The following GRIN2C variants were observed in gnomAD, a reference collection of about 807,000 sequenced individuals.
GRIN2C encodes glutamate receptor ionotropic, NMDA 2C.
GRIN2C carries 64 observed loss-of-function variants against 77.7 expected under a neutral mutation model. That is an observed-to-expected ratio of 0.82 (90% CI 0.67 to 1.01). The LOEUF is 1.01. Among genes scored for constraint, GRIN2C ranks in the 50% least tolerant of loss-of-function variants. The probability of loss-of-function intolerance (pLI) is 0.00; values close to 1 mark genes in which losing one functional copy is unlikely to be tolerated. For synonymous variants in GRIN2C, 792 were observed against 643.4 expected, an observed-to-expected ratio of 1.23 and a Z score of -3.49; for missense variants, 1,549 against 1,486.0, an observed-to-expected ratio of 1.04 and a Z score of -0.70.
chr17:74,844,287 C>A lies in GRIN2C; in HGVS notation c.2572G>T (p.Ala858Ser). 4 of 1,613,904 alleles carry A rather than the reference C, an allele frequency of 2.5e-6. No individual in the cohort carries two copies. The highest frequency in any genetic ancestry group is 3.4e-6 in the Non-Finnish European group (4 of 1,179,844). ...PNSSQLDFLL[A>S]FSRGIYSCFS... ...GGGTGGGCACCCACCCTGCTGAAAG[C>A]CAGCAGGAAGTCCAGCTGGGATGAG... is the stretch of plus-strand genomic sequence containing the variant. The change falls in exon 12 of 13, where the codon GCT (alanine) becomes TCT (serine). Residue 858 changes from alanine (A) to serine (S), a missense_variant. Physicochemically the swap from Ala to Ser is moderately conservative, Grantham distance 99 (BLOSUM62 1). Around this residue, in one of 3 missense-constraint regions of GRIN2C, gnomAD observed 450 missense variants for 267.9 expected, o/e 1.68. Transcript: ENST00000293190.
At chr17:74,854,307 T>TGGTG in intron 2 of GRIN2C, 1 of 174,740 alleles carries the variant, frequency 5.7e-6, no homozygotes, top group Non-Finnish European at 1.2e-5. Context: ...CAGGGTTCCC[T>TGGTG]GGTGCTCACC....
chr17:74,852,468 G>A lies in GRIN2C; in HGVS notation c.543C>T (p.Gly181=). Residue 181 remains glycine (G), a synonymous_variant, in exon 3 of 13, where the codon GGC becomes GGT. Transcript: ENST00000293190. ...GGCTGGCGTCGGCGACGGCGCGCAC[G>A]CCCTCCAGGAAGAGCGCGTGGCCCG... is the stretch of plus-strand genomic sequence containing the variant. The part of the protein sequence containing the change: ...LHPGHALFLE[G]VRAVADASHV... The A allele has an allele frequency of 1.3e-6, 2 of 1,555,358 alleles. No homozygotes were observed. The highest frequency in any genetic ancestry group is 2.5e-5 in the East Asian group (1 of 39,440).
At position 74,842,991 on chromosome 17, in the gene GRIN2C, A is replaced by AGCTCCAGGG. The variant is rs1555613332; in HGVS notation, c.3145_3146insCCCTGGAGC (p.Glu1048_Leu1049insProLeuGlu). Reference sequence around the variant, plus strand: ...CGGACCGAGCAGCGGCAGGTCCTCCAGCTCCGGGAAGAGCGGGAGGAAGGG... The same window carrying AGCTCCAGGG: ...CGGACCGAGCAGCGGCAGGTCCTCCAGCTCCAGGGGCTCCGGGAAGAGCGGGAGGAAGGG... On this transcript the variant is annotated inframe_insertion, in exon 13 of 13. Transcript: ENST00000293190. 5.9e-6 allele frequency: 3 copies of AGCTCCAGGG among 510,944 alleles called. No homozygotes were observed. The highest frequency in any genetic ancestry group is 1.0e-5 in the Non-Finnish European group (3 of 289,662). The allele number at this position is 510,944 out of a possible 1,614,324, so 31.7% of individuals were successfully genotyped here.
rs991297937 is a variant in GRIN2C at position 74,850,795 on chromosome 17, G to A, written c.1114-28C>T. The stretch of plus-strand genomic sequence containing the variant: ...GTGGAGGGTGACAGCCTCAGCCTGG[G>A]GCCTCCAGCCCTACAGCCCCCACCC... On this transcript the variant is annotated intron_variant, in intron 4 of 12. Coordinates refer to ENST00000293190, the MANE Select transcript of GRIN2C (RefSeq NM_000835.6). The surrounding 1 kb of genome is among the most constrained non-coding windows in gnomAD (Gnocchi z 5.3). 7.6e-6 allele frequency: 12 copies of A among 1,577,896 alleles called. No individual in the cohort carries two copies. Among genetic ancestry groups the A allele is most frequent in the African/African-American group, 1.3e-5 (1 of 74,286 alleles).
At chr17:74,856,723 C>A (rs2037830319) in intron 1 of GRIN2C, among the ~76,000 whole-genome samples, 1 of 152,100 alleles carries the variant, frequency 6.6e-6, no homozygotes, top group African/African-American at 2.4e-5. Context: ...TCATGATCTG[C>A]CCACCTCGGC....
At chr17:74,861,232 G>A (rs1231667457), upstream of GRIN2C, among the ~76,000 whole-genome samples, 2 of 152,144 alleles carry the variant, frequency 1.3e-5, no homozygotes, top group Admixed American at 1.3e-4. Flanking sequence ...CCGGCCGCCC[G>A]GGTCAAAACC....
intron 1 of GRIN2C, among the ~76,000 whole-genome samples, chr17:74,858,602 CTCCCCACCTCCCACCTACCCA>C (rs2037879187): frequency 1.4e-5 from 2 of 144,924 alleles, no homozygotes; most frequent in Non-Finnish European, 3.0e-5. Context: ...TTGCCTCCCC[CTCCCCACCTCCCACCTACCCA>C]CCCCCGCCAG....
At chr17:74,855,166 GGACA>G (rs917614033) in intron 1 of GRIN2C, 59 bp from the exon 2 acceptor site, 1 of 1,357,464 alleles carries the variant, frequency 7.4e-7, no homozygotes, top group African/African-American at 1.4e-5. Context: ...AGAGGCAGAT[GGACA>G]GACAGGAGGG....
chr17:74,854,044 C>CA (rs1181790292), intron 2 of GRIN2C: 1 of 152,662 alleles, frequency 6.6e-6, no homozygotes, highest in African/African-American at 2.4e-5. Flanking sequence ...GCCTTCATCC[C>CA]ACCTGCTTCT....
rs778686726 is a variant in GRIN2C, at chr17:74,846,017, C to T, written c.2350+49G>A. 1.6e-5 allele frequency: 24 copies of T among 1,541,912 alleles called. No homozygotes were observed. The highest frequency in any genetic ancestry group is 5.6e-5 in the South Asian group (5 of 89,204). On this transcript the variant is annotated intron_variant, in intron 11 of 12. Coordinates refer to ENST00000293190, the MANE Select transcript of GRIN2C (RefSeq NM_000835.6). The surrounding 1 kb of genome is among the most constrained non-coding windows in gnomAD (Gnocchi z 4.4). ...GAGTGGTGGTGGAAATGCTGACAAC[C>T]TTGGGCTCCACAGCCCACCCTGGGC...
At chr17:74,851,010 C>A (rs72844503) in intron 4 of GRIN2C, 1 of 576,370 alleles carries the variant, frequency 1.7e-6, no homozygotes. Context: ...ACTGGTCCCC[C>A]CTGACTTTGA....
Position 74,847,211 on chromosome 17 carries a change from C to A in GRIN2C, c.2001+97G>T. On this transcript the variant is annotated intron_variant, in intron 9 of 12. Coordinates refer to ENST00000293190, the MANE Select transcript of GRIN2C (RefSeq NM_000835.6). This position sits in a 1 kb window ranked among gnomAD's most constrained non-coding sequence, Gnocchi z 5.2. ...CTTCTTCCTGCCCCAGCCTCCAGGT[C>A]AAATTCCCCAGACTCGACTGTCCAG... 1.0e-6 allele frequency: 1 copy of A among 992,232 alleles called. No homozygotes were observed. The allele number at this position is 992,232 out of a possible 1,614,324, so 61.5% of individuals were successfully genotyped here.
chr17:74,846,996 G>A lies in GRIN2C; in HGVS notation c.2002-76C>T, dbSNP rs1053736636. The stretch of plus-strand genomic sequence containing the variant: ...GCACCAAAGCCCCAAACCCACCCCA[G>A]AGCCCAGCCCCAGTGTGGACTTGCA... On this transcript the variant is annotated intron_variant, in intron 9 of 12. Coordinates refer to ENST00000293190, the MANE Select transcript of GRIN2C (RefSeq NM_000835.6). This position sits in a 1 kb window ranked among gnomAD's most constrained non-coding sequence, Gnocchi z 4.4. 2 of 1,484,938 alleles carry A rather than the reference G, an allele frequency of 1.3e-6. No homozygotes were observed. The highest frequency in any genetic ancestry group is 3.6e-5 in the Admixed American group (2 of 55,592). The allele number at this position is 1,484,938 out of a possible 1,614,324, so 92.0% of individuals were successfully genotyped here.
chr17:74,854,874 G>T lies in GRIN2C; in HGVS notation c.219C>A (p.Asn73Lys), dbSNP rs541531359. The change falls in exon 2 of 13, where the codon AAC becomes AAA. Residue 73 changes from asparagine (N) to lysine (K), a missense_variant. Coordinates refer to ENST00000293190, the MANE Select transcript of GRIN2C (RefSeq NM_000835.6). ...AGATCTGGGTGAGGAGGCTGCTGGGGTTGGTGGTGTTGACCCCAACTGTGA... is the reference window on the plus strand; with the variant it reads ...AGATCTGGGTGAGGAGGCTGCTGGGTTTGGTGGTGTTGACCCCAACTGTGA... ...QPLTVGVNTT[N>K]PSSLLTQICG... The T allele has an allele frequency of 6.2e-7, 1 of 1,613,150 alleles. No homozygotes were observed. The highest frequency in any genetic ancestry group is 1.7e-5 in the Admixed American group (1 of 60,020).
rs750882160 is a variant in GRIN2C at position 74,850,511 on chromosome 17, C to T, written c.1325+45G>A. On this transcript the variant is annotated intron_variant, in intron 5 of 12. Coordinates refer to ENST00000293190, the MANE Select transcript of GRIN2C (RefSeq NM_000835.6). The surrounding 1 kb of genome is among the most constrained non-coding windows in gnomAD (Gnocchi z 5.3). ...ACATACACGACACCTGACCATCACA[C>T]GGCAGCACCCAGCTCACACTAGCCT... 7 of 1,589,474 alleles carry T rather than the reference C, an allele frequency of 4.4e-6. No homozygotes were observed. Among genetic ancestry groups the T allele is most frequent in the East Asian group, 2.2e-5 (1 of 44,732 alleles).
rs186790306 is a variant in GRIN2C, at chr17:74,850,235, G to C, written c.1462C>G (p.Arg488Gly). The C allele has an allele frequency of 6.2e-5, 100 of 1,613,622 alleles. 1 individual carries two copies. The Admixed American group carries it at 1.3e-3, about 22-fold the overall frequency. ...CCAATCATGCCGTTCCATACGCCGC[G>C]CACCCGCTTGCCATGCTTGCCGTTG... ...VTNGKHGKRV[R>G]GVWNGMIGEV... Residue 488 changes from arginine to glycine, a missense_variant, in exon 6 of 13, where the codon CGC (arginine) becomes GGC (glycine). Physicochemically the swap from Arg to Gly is moderately radical, Grantham distance 125. This residue lies in a region of GRIN2C where 717 missense variants were observed against 858.1 expected (regional missense o/e 0.84). Coordinates refer to ENST00000293190, the MANE Select transcript of GRIN2C (RefSeq NM_000835.6). The surrounding 1 kb of genome is among the most constrained non-coding windows in gnomAD (Gnocchi z 5.3).
chr17:74,855,487 G>A (rs949028940), intron 1 of GRIN2C, among the ~76,000 whole-genome samples: 8 of 152,172 alleles, frequency 5.3e-5, no homozygotes, highest in Non-Finnish European at 8.8e-5. Context: ...ATCTGAGTTC[G>A]TGTCCCAGTT....
Position 74,847,742 on chromosome 17 carries a change from C to A in GRIN2C, c.1771+110G>T. ...CTGACTGGCCCCCAGCATGTGCCATCCAAAAGCAAGGGACCTCCCAAAGGT... is the reference window on the plus strand; with the variant it reads ...CTGACTGGCCCCCAGCATGTGCCATACAAAAGCAAGGGACCTCCCAAAGGT... On this transcript the variant is annotated intron_variant, in intron 8 of 12. Transcript: ENST00000293190. This position sits in a 1 kb window ranked among gnomAD's most constrained non-coding sequence, Gnocchi z 5.2. 1 of 1,164,220 alleles carries A rather than the reference C, an allele frequency of 8.6e-7. No homozygotes were observed. Among genetic ancestry groups the A allele is most frequent in the Non-Finnish European group, 1.2e-6 (1 of 803,982 alleles). The allele number at this position is 1,164,220 out of a possible 1,614,324, so 72.1% of individuals were successfully genotyped here. A position where few individuals can be genotyped will look rare whatever the true frequency, so the allele number is the denominator to read the frequency against.
chr17:74,851,744 C>G, intron 3 of GRIN2C, 53 bp from the exon 4 acceptor site: 1 of 1,141,056 alleles, frequency 8.8e-7, no homozygotes, highest in African/African-American at 1.5e-5. Context: ...GCACCCCCTG[C>G]CTCTGCCTCA....
Sources: allele counts gnomAD v4.1 joint callset (sites outside exome capture counted in the v4.1 genomes callset), GRCh38; gene constraint gnomAD v4.1.1; regional missense constraint gnomAD v4.1.1; non-coding constraint Gnocchi (gnomAD v3.1); transcripts MANE v1.5; gene names NCBI Gene and HGNC (gene_info 2026-07-23, HGNC 2026-07-21).